The following NELL2 variants were observed in gnomAD, a reference collection of about 807,000 sequenced individuals.
NELL2 encodes protein kinase C-binding protein NELL2.
In NELL2, 41 loss-of-function variants were observed where a neutral mutation model predicts 109.6. The ratio of observed to expected loss-of-function variants is 0.37; its 90% confidence interval spans 0.29 to 0.49. The LOEUF is 0.49. Among genes scored for constraint, NELL2 ranks in the 20% least tolerant of loss-of-function variants. The pLI is 0.98. For synonymous variants in NELL2, 355 were observed against 344.7 expected, an observed-to-expected ratio of 1.03 and a Z score of -0.33; for missense variants, 900 against 1,008.3, an observed-to-expected ratio of 0.89 and a Z score of 1.45.
At chr12:44,588,083 G>A (rs919104264) in intron 15 of NELL2, among the ~76,000 whole-genome samples, 12 of 150,984 alleles carry the variant, frequency 7.9e-5, no homozygotes, top group African/African-American at 2.2e-4. Flanking sequence ...CCCGGGAGGT[G>A]GAGGTTGCAG....
At chr12:44,658,165 C>T (rs1947583126) in intron 13 of NELL2, among the ~76,000 whole-genome samples, 3 of 152,166 alleles carry the variant, frequency 2.0e-5, no homozygotes, top group Admixed American at 6.5e-5. Context: ...TTTTAATGAT[C>T]ACCATTCTAA....
At chr12:44,875,490 T>C in intron 1 of NELL2, 137 bp from the exon 2 acceptor site, 3 of 1,613,948 alleles carry the variant, frequency 1.9e-6, no homozygotes, top group Non-Finnish European at 2.5e-6. Context: ...TGCCTCCTCC[T>C]CCGCCGAGAG....
intron 13 of NELL2, among the ~76,000 whole-genome samples, chr12:44,645,915 T>A (rs1161339051): frequency 6.6e-6 from 1 of 152,164 alleles, no homozygotes; most frequent in Non-Finnish European, 1.5e-5. Context: ...CTTGCATCCA[T>A]CATTAGAATT....
At chr12:44,744,734 C>T (rs1348657992) in intron 9 of NELL2, among the ~76,000 whole-genome samples, 3 of 152,254 alleles carry the variant, frequency 2.0e-5, no homozygotes, top group African/African-American at 4.8e-5. Context: ...ACACATACAT[C>T]CTCCTAAGAC....
intron 9 of NELL2, among the ~76,000 whole-genome samples, chr12:44,760,285 AC>A (rs1199117824): frequency 6.6e-6 from 1 of 152,172 alleles, no homozygotes; most frequent in Non-Finnish European, 1.5e-5. Flanking sequence ...TTTTTTAAAA[AC>A]CCCAAATAAC....
chr12:44,589,151 G>A (rs1944652796), intron 15 of NELL2, among the ~76,000 whole-genome samples: 1 of 152,028 alleles, frequency 6.6e-6, no homozygotes, highest in African/African-American at 2.4e-5. Flanking sequence ...CCAGCAACCT[G>A]ACTCCAAAGC....
intron 1 of NELL2, among the ~76,000 whole-genome samples, chr12:44,919,575 C>A (rs1175515248): frequency 6.6e-6 from 1 of 152,070 alleles, no homozygotes; most frequent in Non-Finnish European, 1.5e-5. Context: ...GAAATTTAGA[C>A]AGAGACAGAG....
At chr12:44,564,367 A>G (rs1943578729) in intron 15 of NELL2, among the ~76,000 whole-genome samples, 1 of 152,202 alleles carries the variant, frequency 6.6e-6, no homozygotes, top group Non-Finnish European at 1.5e-5. Flanking sequence ...TATAATTTCC[A>G]TTATCAAAGG....
At chr12:44,903,928 C>T (rs988587839) in intron 1 of NELL2, among the ~76,000 whole-genome samples, 3 of 151,990 alleles carry the variant, frequency 2.0e-5, no homozygotes, top group South Asian at 2.1e-4. Flanking sequence ...AGGAGAAATA[C>T]CTAATGTAGA....
At chr12:44,615,873 T>C (rs1030842493) in intron 13 of NELL2, among the ~76,000 whole-genome samples, 2 of 152,156 alleles carry the variant, frequency 1.3e-5, no homozygotes, top group African/African-American at 4.8e-5. Context: ...AAGGTAGATA[T>C]AAGTTTTTAA....
chr12:44,573,969 A>C (rs985522554), intron 15 of NELL2, among the ~76,000 whole-genome samples: 4 of 152,210 alleles, frequency 2.6e-5, no homozygotes, highest in Admixed American at 2.6e-4. Flanking sequence ...GGTGTTACCC[A>C]CTAAGAGAGT....
chr12:44,791,197 T>TATATATATAC (rs1942413178), intron 3 of NELL2, among the ~76,000 whole-genome samples: 1 of 52,048 alleles, frequency 1.9e-5, no homozygotes, highest in Admixed American at 1.8e-4. Flanking sequence ...TATATATATA[T>TATATATATAC]ATATATATAT....
Position 44,774,738 on chromosome 12 carries a change from T to G in NELL2, c.994+9A>C, listed in dbSNP as rs756124036. ...CAAAGAAAGTATTCATCATAAAAGTTATGCTCACATTTGCATTCCTTACAG... is the reference window on the plus strand; with the variant it reads ...CAAAGAAAGTATTCATCATAAAAGTGATGCTCACATTTGCATTCCTTACAG... On this transcript the variant is annotated intron_variant, in intron 9 of 19. Coordinates refer to ENST00000429094, the MANE Select transcript of NELL2 (RefSeq NM_001145108.2). The G allele has an allele frequency of 1.0e-5, 16 of 1,602,552 alleles. No individual in the cohort carries two copies. Among genetic ancestry groups the G allele is most frequent in the Non-Finnish European group, 1.4e-5 (16 of 1,169,470 alleles).
intron 15 of NELL2, among the ~76,000 whole-genome samples, chr12:44,575,356 G>C (rs1260848571): frequency 6.6e-6 from 1 of 152,216 alleles, no homozygotes. Context: ...GTATGTGCAG[G>C]CAGATATTTC....
Position 44,611,089 on chromosome 12 carries a change from T to A in NELL2, c.1445-119A>T, listed in dbSNP as rs185224201. 2.2e-3 allele frequency: 2,159 copies of A among 963,156 alleles called. 10 individuals are homozygous for A. Among genetic ancestry groups the A allele is most frequent in the Non-Finnish European group, 2.9e-3 (1,843 of 646,054 alleles). The allele number at this position is 963,156 out of a possible 1,614,324, so 59.7% of individuals were successfully genotyped here. On this transcript the variant is annotated intron_variant, in intron 13 of 19. Transcript: ENST00000429094. ...TCTTTCAACCACAGACATAACAAAT[T>A]ATAAATTATAGAAGAGCTCAGATTT...
rs182235558 is a variant in NELL2, at chr12:44,773,195, G to A, written c.994+1552C>T. On this transcript the variant is annotated intron_variant, in intron 9 of 19. Transcript: ENST00000429094. ...GAAAGATAAAAGAAGTTAAAGCAGGGCAGGGCACGGTGGCTCACGCCTGTA... is the reference window on the plus strand; with the variant it reads ...GAAAGATAAAAGAAGTTAAAGCAGGACAGGGCACGGTGGCTCACGCCTGTA... 2.1e-3 allele frequency among the ~76,000 whole-genome samples: 314 copies of A among 152,288 alleles called. 3 individuals carry two copies. The highest frequency in any genetic ancestry group is 1.5e-3 in the Non-Finnish European group (104 of 68,018).
chr12:44,750,066 A>C (rs1940580277), intron 9 of NELL2, among the ~76,000 whole-genome samples: 1 of 152,154 alleles, frequency 6.6e-6, no homozygotes, highest in Non-Finnish European at 1.5e-5. Flanking sequence ...ATATACACCA[A>C]GCTCATTGCA....
chr12:44,553,195 A>G (rs971186903), intron 15 of NELL2, among the ~76,000 whole-genome samples: 3 of 150,376 alleles, frequency 2.0e-5, no homozygotes, highest in Non-Finnish European at 4.4e-5. Flanking sequence ...GGTGCAGCGC[A>G]CCAGCATGGC....
chr12:44,568,110 A>C (rs912719755), intron 15 of NELL2, among the ~76,000 whole-genome samples: 1 of 152,182 alleles, frequency 6.6e-6, no homozygotes, highest in African/African-American at 2.4e-5. Context: ...AATCATTAAA[A>C]GACTTGCAGA....
Sources: gnomAD v4.1 joint callset for allele counts (sites outside exome capture counted in the v4.1 genomes callset) on GRCh38, gnomAD v4.1.1 for gene constraint, MANE v1.5 for transcripts, NCBI Gene and HGNC (gene_info 2026-07-23, HGNC 2026-07-21) for gene names.